Variants in SLC12A2 observed in about 807,000 individuals in gnomAD.
SLC12A2 encodes Na-K-2Cl cotransporter 1.
Under a neutral mutation model 136.3 loss-of-function variants are expected in SLC12A2, and 67 were observed. The ratio of observed to expected loss-of-function variants is 0.49; its 90% confidence interval spans 0.40 to 0.60. The LOEUF is 0.60. SLC12A2 is among the 20% of genes least tolerant of loss of function. The pLI, the probability that SLC12A2 is intolerant of heterozygous loss-of-function variation, is 0.00. For synonymous variants in SLC12A2, 619 were observed against 562.9 expected, an observed-to-expected ratio of 1.10 and a Z score of -1.41; for missense variants, 1,322 against 1,534.7, an observed-to-expected ratio of 0.86 and a Z score of 2.32.
chr5:128,104,065 GA>G (rs1760836172), intron 1 of SLC12A2, among the ~76,000 whole-genome samples: 1 of 152,172 alleles, frequency 6.6e-6, no homozygotes, highest in Non-Finnish European at 1.5e-5. Context: ...AAGGCTTCCT[GA>G]AAAAGGCATG....
chr5:128,114,181 T>G, intron 2 of SLC12A2, 31 bp from the exon 3 acceptor site: 2 of 1,489,020 alleles, frequency 1.3e-6, no homozygotes, highest in Non-Finnish European at 1.9e-6. Flanking sequence ...TTCTTCTTCC[T>G]CTGTGTCTTG....
chr5:128,084,571 A>G lies in SLC12A2; in HGVS notation c.617A>G (p.Asn206Ser), dbSNP rs574353707. ...CACTACTATTATGATACCCACACCAACACCTACTACCTGCGCACCTTCGGC... is the reference window on the plus strand; with the variant it reads ...CACTACTATTATGATACCCACACCAGCACCTACTACCTGCGCACCTTCGGC... ...HQHYYYDTHT[N>S]TYYLRTFGHN... Residue 206 changes from asparagine to serine, a missense_variant, in exon 1 of 27, where the codon AAC (asparagine) becomes AGC (serine). This residue lies in a region of SLC12A2 where 32 missense variants were observed against 63.6 expected (regional missense o/e 0.50). Transcript: ENST00000262461. The surrounding 1 kb of genome is among the most constrained non-coding windows in gnomAD (Gnocchi z 5.6). The G allele has an allele frequency of 1.2e-6, 2 of 1,613,642 alleles. No homozygotes were observed. Among genetic ancestry groups the G allele is most frequent in the African/African-American group, 2.7e-5 (2 of 75,034 alleles).
In SLC12A2 at chr5:128,178,650, A is replaced by G. The variant is rs987140321; in HGVS notation, c.3061A>G (p.Lys1021Glu). Residue 1021 changes from lysine to glutamate, a missense_variant, in exon 22 of 27, where the codon AAG (lysine) becomes GAG (glutamate). Physicochemically the swap from Lys to Glu is moderately conservative, Grantham distance 56. Around this residue, in one of 8 missense-constraint regions of SLC12A2, gnomAD observed 226 missense variants for 210.4 expected, o/e 1.07. Coordinates refer to ENST00000262461, the MANE Select transcript of SLC12A2 (RefSeq NM_001046.3). ...ASTQFQKKQGKNTIDVWWLFD... is the reference protein window; with the variant it reads ...ASTQFQKKQGENTIDVWWLFD... ...TACACAGTTTCAGAAAAAACAAGGA[A>G]AGAATACTATTGATGTCTGGTGGCT... 6.2e-7 allele frequency: 1 copy of G among 1,600,204 alleles called. No individual in the cohort carries two copies. The highest frequency in any genetic ancestry group is 1.3e-5 in the African/African-American group (1 of 74,270).
rs190041610 is a variant in SLC12A2 at position 128,134,910 on chromosome 5, A to G, written c.1299+635A>G. The stretch of plus-strand genomic sequence containing the variant: ...TGCTATATATGATATGATAATGTTT[A>G]CCAAACCAAAAATTAGGAAAGCCTG... On this transcript the variant is annotated intron_variant, in intron 6 of 26. Transcript: ENST00000262461. Among the ~76,000 whole-genome samples the G allele has an allele frequency of 5.3e-5, 8 of 152,250 alleles. 1 individual carries two copies. Among genetic ancestry groups the G allele is most frequent in the Admixed American group, 5.2e-4 (8 of 15,302 alleles).
intron 22 of SLC12A2, among the ~76,000 whole-genome samples, chr5:128,180,305 T>G (rs1763669606): frequency 6.6e-6 from 1 of 152,120 alleles, no homozygotes; most frequent in Non-Finnish European, 1.5e-5. Flanking sequence ...CAAGAAGATG[T>G]TCCAGGCTCA....
chr5:128,186,710 A>G lies in SLC12A2; in HGVS notation c.*79A>G, dbSNP rs565886754. ...TAACTGAAATCTTCAATGACACATT[A>G]ACATCACAATGGCGAATGGTGACTT... On this transcript the variant is annotated 3_prime_UTR_variant, in exon 27 of 27. Coordinates refer to ENST00000262461, the MANE Select transcript of SLC12A2 (RefSeq NM_001046.3). 150 of 1,398,794 alleles carry G rather than the reference A, an allele frequency of 1.1e-4. No individual in the cohort carries two copies. The African/African-American group carries it at 2.0e-3, about 19-fold the overall frequency. The allele number at this position is 1,398,794 out of a possible 1,614,324, so 86.6% of individuals were successfully genotyped here.
intron 15 of SLC12A2, among the ~76,000 whole-genome samples, chr5:128,153,508 T>TCC (rs1762773906): frequency 6.6e-6 from 1 of 152,130 alleles, no homozygotes; most frequent in Non-Finnish European, 1.5e-5. Flanking sequence ...TGAGCCAAGA[T>TCC]CATGCCACTG....
intron 19 of SLC12A2, 41 bp from the exon 20 acceptor site, chr5:128,174,500 A>T (rs1203691016): frequency 2.7e-6 from 4 of 1,474,948 alleles, no homozygotes; most frequent in Non-Finnish European, 9.3e-7. Context: ...AACAGTTAAA[A>T]TATGACTTAG....
chr5:128,139,547 G>T (rs1208689235), intron 9 of SLC12A2, among the ~76,000 whole-genome samples: 1 of 152,150 alleles, frequency 6.6e-6, no homozygotes, highest in Non-Finnish European at 1.5e-5. Context: ...ACAGATGAGA[G>T]GATAGAAGTT....
At chr5:128,171,794 CT>C (rs879458849) in intron 19 of SLC12A2, 48 bp downstream of exon 19, 1 of 1,088,956 alleles carries the variant, frequency 9.2e-7, no homozygotes, top group Non-Finnish European at 1.4e-6. Context: ...ATATAAACTA[CT>C]TTGTTAGAAA....
At chr5:128,088,564 T>G (rs1184724804) in intron 1 of SLC12A2, among the ~76,000 whole-genome samples, 1 of 149,218 alleles carries the variant, frequency 6.7e-6, no homozygotes, top group African/African-American at 2.4e-5. Context: ...TTGTTTGTTT[T>G]TTGTGTGTGT....
intron 1 of SLC12A2, among the ~76,000 whole-genome samples, chr5:128,091,809 T>C (rs567646220): frequency 6.6e-6 from 1 of 152,336 alleles, no homozygotes; most frequent in South Asian, 2.1e-4. Flanking sequence ...AGTACACTCA[T>C]AGTATCATTG....
In SLC12A2 at chr5:128,084,242, GGCGGCGGCGGCGGCGGCGGCA is replaced by G. The variant is rs776231534; in HGVS notation, c.300_320del (p.Ala101_Ala107del). The G allele has an allele frequency of 1.7e-4, 205 of 1,177,296 alleles. 12 individuals are homozygous for G. The highest frequency in any genetic ancestry group is 1.3e-3 in the South Asian group (36 of 28,100). The allele number at this position is 1,177,296 out of a possible 1,614,324, so 72.9% of individuals were successfully genotyped here. A position where few individuals can be genotyped will look rare whatever the true frequency, so the allele number is the denominator to read the frequency against. On this transcript the variant is annotated inframe_deletion, in exon 1 of 27. Transcript: ENST00000262461. This position sits in a 1 kb window ranked among gnomAD's most constrained non-coding sequence, Gnocchi z 5.6. Reference sequence around the variant, plus strand: ...AGAACGCCGGGCGGGCCGCTGCTGCGGCGGCGGCGGCGGCGGCGGCAGCGGCGGCGGCTGGTGCTGGGGCGG... The same window carrying G: ...AGAACGCCGGGCGGGCCGCTGCTGCGGCGGCGGCGGCTGGTGCTGGGGCGG...
chr5:128,139,856 C>T (rs1419752509), intron 9 of SLC12A2, among the ~76,000 whole-genome samples: 6 of 152,300 alleles, frequency 3.9e-5, no homozygotes, highest in Middle Eastern at 3.4e-3. Flanking sequence ...TATATATTCA[C>T]TGATTTGCTG....
At chr5:128,109,428 G>C in intron 1 of SLC12A2, 1 of 378,896 alleles carries the variant, frequency 2.6e-6, no homozygotes, top group Non-Finnish European at 5.1e-6. Flanking sequence ...GGCTGCTTCT[G>C]TCCACGTCTT....
chr5:128,139,896 C>T (rs529514354), intron 9 of SLC12A2, among the ~76,000 whole-genome samples: 1 of 152,316 alleles, frequency 6.6e-6, no homozygotes, highest in African/African-American at 2.4e-5. Context: ...TATTTATAAA[C>T]TCTACTATTT....
chr5:128,131,821 C>T (rs948593623), intron 5 of SLC12A2, among the ~76,000 whole-genome samples: 5 of 151,964 alleles, frequency 3.3e-5, no homozygotes, highest in Non-Finnish European at 7.4e-5. Context: ...CCCTGACCAA[C>T]GTGGAGAAAC....
At chr5:128,120,425 C>A (rs62373731) in intron 4 of SLC12A2, among the ~76,000 whole-genome samples, 145 of 148,988 alleles carry the variant, frequency 9.7e-4, no homozygotes, top group African/African-American at 2.3e-3. Flanking sequence ...TTTATTGTGG[C>A]ACTATTCACA....
intron 10 of SLC12A2, among the ~76,000 whole-genome samples, chr5:128,146,018 T>C (rs1031519056): frequency 9.2e-5 from 14 of 151,946 alleles, no homozygotes; most frequent in African/African-American, 3.4e-4. Context: ...CACTTTAATT[T>C]TGTGTTTTGA....
Sources: gnomAD v4.1 joint callset for allele counts (sites outside exome capture counted in the v4.1 genomes callset) on GRCh38, gnomAD v4.1.1 for gene constraint, gnomAD v4.1.1 regional missense constraint, Gnocchi (gnomAD v3.1) non-coding constraint, MANE v1.5 for transcripts, NCBI Gene and HGNC (gene_info 2026-07-23, HGNC 2026-07-21) for gene names.